MYCN: variants seen among roughly 807,000 people sequenced by gnomAD.
MYCN encodes the protein MYCN proto-oncogene, bHLH transcription factor.
Under a neutral mutation model 28.1 loss-of-function variants are expected in MYCN, and 3 were observed. The observed-to-expected ratio is 0.11, with a 90% CI of 0.05 to 0.28. The LOEUF is 0.28. MYCN is among the 10% of genes least tolerant of loss of function. The pLI is 1.00. For synonymous variants in MYCN, 326 were observed against 288.3 expected (o/e 1.13, Z -1.32); for missense variants, 572 against 651.4 (o/e 0.88, Z 1.33).
At chr2:15,944,974 A>G (rs1427704172) in intron 2 of MYCN, among the ~76,000 whole-genome samples, 3 of 61,262 alleles carry the variant, frequency 4.9e-5, no homozygotes, top group Admixed American at 4.1e-4. Context: ...ATATATGTAT[A>G]TGTATGTATG....
At position 15,942,483 on chromosome 2, in the gene MYCN, C is replaced by A. The variant is rs1662719556; in HGVS notation, c.419C>A (p.Pro140Gln). 1 of 1,552,216 alleles carries A rather than the reference C, an allele frequency of 6.4e-7. No individual in the cohort carries two copies. The highest frequency in any genetic ancestry group is 2.4e-5 in the East Asian group (1 of 42,354). ...VSEKLQHGRGPPTAGSTAQSP... is the reference protein window; with the variant it reads ...VSEKLQHGRGQPTAGSTAQSP... ...GAGAAGCTGCAGCACGGCCGCGGGC[C>A]GCCAACCGCCGGTTCCACCGCCCAG... The change falls in exon 2 of 3, where the codon CCG (proline) becomes CAG (glutamine). Residue 140 changes from proline (P) to glutamine (Q), a missense_variant. Transcript: ENST00000281043. The surrounding 1 kb of genome is among the most constrained non-coding windows in gnomAD (Gnocchi z 7.0).
chr2:15,941,775 G>T lies in MYCN; in HGVS notation c.-117-173G>T. 1 of 557,658 alleles carries T rather than the reference G, an allele frequency of 1.8e-6. No homozygotes were observed. The highest frequency in any genetic ancestry group is 3.1e-5 in the Admixed American group (1 of 32,388). The allele number at this position is 557,658 out of a possible 1,614,324, so 34.5% of individuals were successfully genotyped here. On this transcript the variant is annotated intron_variant, in intron 1 of 2. Transcript: ENST00000281043. The surrounding 1 kb of genome is among the most constrained non-coding windows in gnomAD (Gnocchi z 4.8). ...TGTCGTAGACAGCTTGTACACAAAA[G>T]GAGGGCGGGAGGGAGGGAGCGAGAG...
Position 15,942,391 on chromosome 2 carries a change from G to C in MYCN, c.327G>C (p.Pro109=). 9 of 1,607,548 alleles carry C rather than the reference G, an allele frequency of 5.6e-6. No individual in the cohort carries two copies. Among genetic ancestry groups the C allele is most frequent in the Non-Finnish European group, 7.6e-6 (9 of 1,178,782 alleles). ...GACTGGGTGGCCTCACCCCCAACCC[G>C]GTCATCCTCCAGGACTGCATGTGGA... ...LGGLGGLTPN[P]VILQDCMWSG... The change falls in exon 2 of 3, where the codon CCG becomes CCC. Residue 109 remains proline (P), a synonymous_variant. Transcript: ENST00000281043. The surrounding 1 kb of genome is among the most constrained non-coding windows in gnomAD (Gnocchi z 7.0).
chr2:15,942,652 C>G lies in MYCN; in HGVS notation c.588C>G (p.Pro196=). The change falls in exon 2 of 3, where the codon CCC becomes CCG. Residue 196 remains proline, a synonymous_variant. Transcript: ENST00000281043. This position sits in a 1 kb window ranked among gnomAD's most constrained non-coding sequence, Gnocchi z 7.0. ...CVDPAVVFPF[P]VNKREPAPVP... is the part of the protein sequence containing the mutation. ...ATCCCGCCGTGGTCTTCCCCTTTCC[C>G]GTGAACAAGCGCGAGCCAGCGCCCG... 5 of 1,161,484 alleles carry G rather than the reference C, an allele frequency of 4.3e-6. No homozygotes were observed. The highest frequency in any genetic ancestry group is 5.3e-6 in the Non-Finnish European group (5 of 940,474). The allele number at this position is 1,161,484 out of a possible 1,614,324, so 71.9% of individuals were successfully genotyped here. A position where few individuals can be genotyped will look rare whatever the true frequency, so the allele number is the denominator to read the frequency against.
Position 15,945,896 on chromosome 2 carries a change from G to T in MYCN, c.1194G>T (p.Arg398=). 6.2e-7 allele frequency: 1 copy of T among 1,614,120 alleles called. No homozygotes were observed. Residue 398 remains arginine, a synonymous_variant, in exon 3 of 3, where the codon CGG becomes CGT. Coordinates refer to ENST00000281043, the MANE Select transcript of MYCN (RefSeq NM_005378.6). This position sits in a 1 kb window ranked among gnomAD's most constrained non-coding sequence, Gnocchi z 4.8. Reference sequence around the variant, plus strand: ...AGCGCCAGCGCCGCAACGACCTTCGGTCCAGCTTTCTCACGCTCAGGGACC... The same window carrying T: ...AGCGCCAGCGCCGCAACGACCTTCGTTCCAGCTTTCTCACGCTCAGGGACC... ...ILERQRRNDL[R]SSFLTLRDHV...
Position 15,942,273 on chromosome 2 carries a change from A to G in MYCN, c.209A>G (p.His70Arg). The change falls in exon 2 of 3, where the codon CAC becomes CGC. Residue 70 changes from histidine to arginine, a missense_variant. Around this residue, in one of 3 missense-constraint regions of MYCN, gnomAD observed 499 missense variants for 524.3 expected, o/e 0.95. Transcript: ENST00000281043. The surrounding 1 kb of genome is among the most constrained non-coding windows in gnomAD (Gnocchi z 7.0). ...TCGCCCAGCCGTGGCTTCGCGGAGC[A>G]CAGCTCCGAGCCCCCGAGCTGGGTC... The part of the protein sequence containing the change: ...PLSPSRGFAE[H>R]SSEPPSWVTE... The G allele has an allele frequency of 1.2e-6, 2 of 1,611,808 alleles. No individual in the cohort carries two copies. Among genetic ancestry groups the G allele is most frequent in the Admixed American group, 1.7e-5 (1 of 59,874 alleles).
rs1264653517 is a variant in MYCN, at chr2:15,941,964, CG to C, written c.-99del. ...CGGTTGCAGTGTTGGAGGTCGGCGC[CG>C]GCCCCCGCCTTCCGCGCCCCCCACG... On this transcript the variant is annotated 5_prime_UTR_variant, in exon 2 of 3. Transcript: ENST00000281043. This position sits in a 1 kb window ranked among gnomAD's most constrained non-coding sequence, Gnocchi z 4.8. 4 of 1,474,982 alleles carry C rather than the reference CG, an allele frequency of 2.7e-6. No homozygotes were observed. The African/African-American group carries it at 4.2e-5, about 15-fold the overall frequency. 91.4% of individuals were successfully genotyped at this position (1,474,982 alleles called of 1,614,324 possible).
At chr2:15,944,755 G>A (rs1480833826) in intron 2 of MYCN, among the ~76,000 whole-genome samples, 1 of 152,052 alleles carries the variant, frequency 6.6e-6, no homozygotes, top group Non-Finnish European at 1.5e-5. Context: ...TGTCAAAGTG[G>A]TATCATCCCC....
chr2:15,943,707 C>T (rs2103328046), intron 2 of MYCN, among the ~76,000 whole-genome samples: 1 of 152,334 alleles, frequency 6.6e-6, no homozygotes, highest in East Asian at 1.9e-4. Context: ...TGAGTTGTAT[C>T]TGTAACCCAG....
Position 15,941,005 on chromosome 2 carries a change from T to A in MYCN, c.-118+262T>A, listed in dbSNP as rs550706958. 58 of 340,654 alleles carry A rather than the reference T, an allele frequency of 1.7e-4. No homozygotes were observed. The Admixed American group carries it at 2.7e-3, about 16-fold the overall frequency. 21.1% of individuals were successfully genotyped at this position (340,654 alleles called of 1,614,324 possible). On this transcript the variant is annotated intron_variant, in intron 1 of 2. Transcript: ENST00000281043. This position sits in a 1 kb window ranked among gnomAD's most constrained non-coding sequence, Gnocchi z 4.8. ...GAGTAATGGCTTCTGCGAAAAGAAA[T>A]TCCCTCGGCTCTAGAAGATCTGTCT...
In MYCN at chr2:15,942,773, C is replaced by G; in HGVS notation, c.709C>G (p.Pro237Ala). ...APAGAPGVAP[P>A]RPGGRQTSGG... Reference sequence around the variant, plus strand: ...AGCCGGGGCCCCGGGGGTCGCCCCTCCGCGCCCAGGCGGCCGCCAGACCAG... The same window carrying G: ...AGCCGGGGCCCCGGGGGTCGCCCCTGCGCGCCCAGGCGGCCGCCAGACCAG... Residue 237 changes from proline (P) to alanine (A), a missense_variant, in exon 2 of 3, where the codon CCG becomes GCG. Coordinates refer to ENST00000281043, the MANE Select transcript of MYCN (RefSeq NM_005378.6). The surrounding 1 kb of genome is among the most constrained non-coding windows in gnomAD (Gnocchi z 7.0). 6.8e-7 allele frequency: 1 copy of G among 1,467,312 alleles called. No individual in the cohort carries two copies. The highest frequency in any genetic ancestry group is 1.4e-5 in the South Asian group (1 of 72,236). 90.9% of individuals were successfully genotyped at this position (1,467,312 alleles called of 1,614,324 possible). A position where few individuals can be genotyped will look rare whatever the true frequency, so the allele number is the denominator to read the frequency against.
Position 15,945,998 on chromosome 2 carries a change from C to G in MYCN, c.1296C>G (p.Ser432=), listed in dbSNP as rs747603773. 3 of 1,614,194 alleles carry G rather than the reference C, an allele frequency of 1.9e-6. No homozygotes were observed. The highest frequency in any genetic ancestry group is 1.1e-5 in the South Asian group (1 of 91,086). ...ILKKATEYVH[S]LQAEEHQLLL... is the part of the protein sequence containing the mutation. The stretch of plus-strand genomic sequence containing the variant: ...AAAAGGCCACTGAGTATGTCCACTC[C>G]CTCCAGGCCGAGGAGCACCAGCTTT... Residue 432 remains serine, a synonymous_variant, in exon 3 of 3, where the codon TCC becomes TCG. Coordinates refer to ENST00000281043, the MANE Select transcript of MYCN (RefSeq NM_005378.6). This position sits in a 1 kb window ranked among gnomAD's most constrained non-coding sequence, Gnocchi z 4.8.
chr2:15,944,301 C>G, intron 2 of MYCN, among the ~76,000 whole-genome samples: 1 of 152,234 alleles, frequency 6.6e-6, no homozygotes, highest in East Asian at 1.9e-4. Flanking sequence ...TCTACCCCAG[C>G]GTGGTAGTCA....
At position 15,942,169 on chromosome 2, in the gene MYCN, C is replaced by G. The variant is rs766296336; in HGVS notation, c.105C>G (p.Phe35Leu). The G allele has an allele frequency of 6.2e-7, 1 of 1,613,892 alleles. No individual in the cohort carries two copies. Among genetic ancestry groups the G allele is most frequent in the Non-Finnish European group, 8.5e-7 (1 of 1,180,020 alleles). ...GCTTCTACCCGGACGAAGATGACTT[C>G]TACTTCGGCGGCCCCGACTCGACCC... The part of the protein sequence containing the change: ...QPCFYPDEDD[F>L]YFGGPDSTPP... The change falls in exon 2 of 3, where the codon TTC (phenylalanine) becomes TTG (leucine). Residue 35 changes from phenylalanine to leucine, a missense_variant. By Grantham distance (22) the Phe-to-Leu change is conservative. Around this residue, in one of 3 missense-constraint regions of MYCN, gnomAD observed 499 missense variants for 524.3 expected, o/e 0.95. Transcript: ENST00000281043. The surrounding 1 kb of genome is among the most constrained non-coding windows in gnomAD (Gnocchi z 7.0).
rs982924915 is a variant in MYCN, at chr2:15,941,693, C to T, written c.-117-255C>T. The T allele has an allele frequency of 3.6e-5, 14 of 386,946 alleles. No individual in the cohort carries two copies. Among genetic ancestry groups the T allele is most frequent in the Non-Finnish European group, 6.2e-5 (13 of 209,182 alleles). The allele number at this position is 386,946 out of a possible 1,614,324, so 24.0% of individuals were successfully genotyped here. On this transcript the variant is annotated intron_variant, in intron 1 of 2. Coordinates refer to ENST00000281043, the MANE Select transcript of MYCN (RefSeq NM_005378.6). The surrounding 1 kb of genome is among the most constrained non-coding windows in gnomAD (Gnocchi z 4.8). ...CCTTGTGTGAATGAAATGGCAGTTTCCAAAGTTGCGGAGCCTCGCCACCAC... is the reference window on the plus strand; with the variant it reads ...CCTTGTGTGAATGAAATGGCAGTTTTCAAAGTTGCGGAGCCTCGCCACCAC...
intron 1 of MYCN, 73 bp downstream of exon 1, chr2:15,940,816 C>T (rs990841132): frequency 1.3e-5 from 5 of 398,298 alleles, no homozygotes; most frequent in East Asian, 3.6e-5. Flanking sequence ...AAGCCCTGGA[C>T]GGGATTGCGA....
Position 15,942,268 on chromosome 2 carries a change from G to A in MYCN, c.204G>A (p.Ala68=), listed in dbSNP as rs1377809803. 1.2e-6 allele frequency: 2 copies of A among 1,612,174 alleles called. No individual in the cohort carries two copies. Among genetic ancestry groups the A allele is most frequent in the East Asian group, 2.2e-5 (1 of 44,814 alleles). The change falls in exon 2 of 3, where the codon GCG becomes GCA. Residue 68 remains alanine (A), a synonymous_variant. Coordinates refer to ENST00000281043, the MANE Select transcript of MYCN (RefSeq NM_005378.6). The surrounding 1 kb of genome is among the most constrained non-coding windows in gnomAD (Gnocchi z 7.0). ...TPPLSPSRGF[A]EHSSEPPSWV... ...CGCTGTCGCCCAGCCGTGGCTTCGC[G>A]GAGCACAGCTCCGAGCCCCCGAGCT...
At position 15,942,650 on chromosome 2, in the gene MYCN, C is replaced by A; in HGVS notation, c.586C>A (p.Pro196Thr). The part of the protein sequence containing the change: ...CVDPAVVFPF[P>T]VNKREPAPVP... ...GGATCCCGCCGTGGTCTTCCCCTTT[C>A]CCGTGAACAAGCGCGAGCCAGCGCC... Residue 196 changes from proline to threonine, a missense_variant, in exon 2 of 3, where the codon CCC becomes ACC. Around this residue, in one of 3 missense-constraint regions of MYCN, gnomAD observed 499 missense variants for 524.3 expected, o/e 0.95. Transcript: ENST00000281043. The surrounding 1 kb of genome is among the most constrained non-coding windows in gnomAD (Gnocchi z 7.0). The A allele has an allele frequency of 8.6e-7, 1 of 1,160,480 alleles. No individual in the cohort carries two copies. Among genetic ancestry groups the A allele is most frequent in the Non-Finnish European group, 1.1e-6 (1 of 939,742 alleles). 71.9% of individuals were successfully genotyped at this position (1,160,480 alleles called of 1,614,324 possible).
rs546447876 is a variant in MYCN at position 15,945,397 on chromosome 2, C to T, written c.791-96C>T. 357 of 1,435,454 alleles carry T rather than the reference C, an allele frequency of 2.5e-4. 2 individuals are homozygous for T. Among genetic ancestry groups the T allele is most frequent in the Non-Finnish European group, 1.4e-4 (149 of 1,044,202 alleles). The allele number at this position is 1,435,454 out of a possible 1,614,324, so 88.9% of individuals were successfully genotyped here. A position where few individuals can be genotyped will look rare whatever the true frequency, so the allele number is the denominator to read the frequency against. On this transcript the variant is annotated intron_variant, in intron 2 of 2. Coordinates refer to ENST00000281043, the MANE Select transcript of MYCN (RefSeq NM_005378.6). This position sits in a 1 kb window ranked among gnomAD's most constrained non-coding sequence, Gnocchi z 4.8. ...AAAATAGCAGTCTGCCAGGGTCTGC[C>T]GGAAGAGACAGATAAGCATACATAT...
Sources: gnomAD v4.1 joint callset for allele counts (sites outside exome capture counted in the v4.1 genomes callset) on GRCh38, gnomAD v4.1.1 for gene constraint, gnomAD v4.1.1 regional missense constraint, Gnocchi (gnomAD v3.1) non-coding constraint, MANE v1.5 for transcripts, NCBI Gene and HGNC (gene_info 2026-07-23, HGNC 2026-07-21) for gene names.